TCF7L1: variants seen among roughly 807,000 people sequenced by gnomAD.
The protein encoded by TCF7L1 is transcription factor 7-like 1.
A neutral mutation model predicts 63.7 loss-of-function variants in TCF7L1; 18 were observed. That is an observed-to-expected ratio of 0.28 (90% CI 0.20 to 0.42). The LOEUF is 0.42. Among genes scored for constraint, TCF7L1 ranks in the 10% least tolerant of loss-of-function variants. The pLI is 1.00. For missense variants in TCF7L1, 654 were observed against 779.3 expected (o/e 0.84, Z 1.91); for synonymous variants, 355 against 340.9 (o/e 1.04, Z -0.46).
intron 3 of TCF7L1, among the ~76,000 whole-genome samples, chr2:85,253,592 A>G (rs17763853): frequency 0.29 from 43,924 of 152,174 alleles, 6,777 homozygotes; most frequent in Non-Finnish European, 0.35. Context: ...GAGCAACAAC[A>G]CAAGTAGTGG....
At chr2:85,231,402 G>A (rs1480385997) in intron 3 of TCF7L1, among the ~76,000 whole-genome samples, 2 of 152,210 alleles carry the variant, frequency 1.3e-5, no homozygotes, top group African/African-American at 2.4e-5. Flanking sequence ...ACTATTTGTT[G>A]CCTGGCCTCT....
At chr2:85,207,288 A>G (rs934456489) in intron 3 of TCF7L1, among the ~76,000 whole-genome samples, 9 of 152,054 alleles carry the variant, frequency 5.9e-5, no homozygotes, top group African/African-American at 1.9e-4. Context: ...GTGTGGCCTG[A>G]CCCTTGTTGT....
intron 3 of TCF7L1, among the ~76,000 whole-genome samples, chr2:85,206,836 A>G (rs1393879677): frequency 6.6e-6 from 1 of 152,228 alleles, no homozygotes; most frequent in African/African-American, 2.4e-5. Flanking sequence ...ACGTCTTAGG[A>G]GATATTTTAC....
At chr2:85,177,821 ATATAGT>A in intron 3 of TCF7L1, among the ~76,000 whole-genome samples, 1 of 152,340 alleles carries the variant, frequency 6.6e-6, no homozygotes, top group Non-Finnish European at 1.5e-5. Flanking sequence ...TTCATATTTT[ATATAGT>A]TAAAATCAAA....
intron 3 of TCF7L1, among the ~76,000 whole-genome samples, chr2:85,201,977 T>G (rs1679282066): frequency 6.6e-6 from 1 of 151,928 alleles, no homozygotes; most frequent in Non-Finnish European, 1.5e-5. Flanking sequence ...TTTATTTTAT[T>G]TTTTTGAGAT....
At chr2:85,166,882 C>T (rs55711048) in intron 3 of TCF7L1, 5,742 of 152,296 alleles carry the variant, frequency 0.038, 153 homozygotes, top group Non-Finnish European at 0.053. Context: ...TTTTAGATAT[C>T]TGGCAATGCT....
At chr2:85,216,923 A>C (rs1679724794) in intron 3 of TCF7L1, 1 of 152,230 alleles carries the variant, frequency 6.6e-6, no homozygotes, top group African/African-American at 2.4e-5. Context: ...AGACCGTCCA[A>C]GTGTGGGTTC....
At chr2:85,182,008 C>T (rs1678814549) in intron 3 of TCF7L1, among the ~76,000 whole-genome samples, 1 of 152,156 alleles carries the variant, frequency 6.6e-6, no homozygotes, top group Admixed American at 6.5e-5. Flanking sequence ...TCTAAGGCCA[C>T]ACTGGGAGTC....
At chr2:85,301,951 C>T (rs1196590460) in intron 4 of TCF7L1, among the ~76,000 whole-genome samples, 1 of 152,016 alleles carries the variant, frequency 6.6e-6, no homozygotes, top group African/African-American at 2.4e-5. Context: ...CATGGTGAAA[C>T]CCTATCTGTA....
At chr2:85,211,806 T>A (rs1198657558) in intron 3 of TCF7L1, among the ~76,000 whole-genome samples, 1 of 152,094 alleles carries the variant, frequency 6.6e-6, no homozygotes, top group African/African-American at 2.4e-5. Context: ...ATCCAGACTT[T>A]CGGCCAGGAA....
chr2:85,304,019 T>C, intron 6 of TCF7L1, 22 bp downstream of exon 6: 1 of 1,504,680 alleles, frequency 6.6e-7, no homozygotes, highest in Non-Finnish European at 9.1e-7. Flanking sequence ...ACAGCCTCTC[T>C]TCCCCCTGCT....
intron 3 of TCF7L1, among the ~76,000 whole-genome samples, chr2:85,158,658 C>T (rs562198435): frequency 2.6e-5 from 4 of 152,282 alleles, no homozygotes; most frequent in Admixed American, 6.5e-5. Flanking sequence ...AAAAAACTCC[C>T]GGGATTTTCT....
At chr2:85,242,212 G>A (rs1355980473) in intron 3 of TCF7L1, among the ~76,000 whole-genome samples, 1 of 151,746 alleles carries the variant, frequency 6.6e-6, no homozygotes, top group Non-Finnish European at 1.5e-5. Context: ...TTGATACCAT[G>A]AGGCTGGAAA....
At chr2:85,234,880 A>C (rs1429955443) in intron 3 of TCF7L1, among the ~76,000 whole-genome samples, 1 of 152,160 alleles carries the variant, frequency 6.6e-6, no homozygotes. Flanking sequence ...GCTCTGCAGG[A>C]GAGGGTTGCT....
At chr2:85,258,705 A>G (rs931383911) in intron 3 of TCF7L1, among the ~76,000 whole-genome samples, 3 of 152,180 alleles carry the variant, frequency 2.0e-5, no homozygotes, top group Non-Finnish European at 2.9e-5. Flanking sequence ...GTGTAAGCGT[A>G]TGGGCTTGCA....
intron 3 of TCF7L1, among the ~76,000 whole-genome samples, chr2:85,212,205 A>G (rs1679569589): frequency 6.6e-6 from 1 of 151,780 alleles, no homozygotes; most frequent in Non-Finnish European, 1.5e-5. Flanking sequence ...CAGCCCCCAG[A>G]TGGGCTGTGG....
In TCF7L1 at chr2:85,172,839, T is replaced by C. The variant is rs938877079; in HGVS notation, c.441+38389T>C. ...CCTCCCCTGACCACCCTATTTACAA[T>C]TGCAGCGTCCGCCCCACCTCCAGCC... On this transcript the variant is annotated intron_variant, in intron 3 of 11. Transcript: ENST00000282111. Among the ~76,000 whole-genome samples the C allele has an allele frequency of 4.6e-5, 7 of 152,112 alleles. No individual in the cohort carries two copies. The South Asian group carries it at 1.2e-3, about 27-fold the overall frequency.
At chr2:85,142,483 T>A (rs1181041966) in intron 3 of TCF7L1, among the ~76,000 whole-genome samples, 2 of 143,900 alleles carry the variant, frequency 1.4e-5, no homozygotes, top group African/African-American at 5.1e-5. Flanking sequence ...ATATATATAA[T>A]ATATATATAT....
intron 3 of TCF7L1, among the ~76,000 whole-genome samples, chr2:85,135,775 C>T (rs1677577708): frequency 7.3e-6 from 1 of 137,488 alleles, no homozygotes; most frequent in Non-Finnish European, 1.6e-5. Flanking sequence ...CACAGTTTTG[C>T]CCCGAGAGGG....
Sources: gnomAD v4.1 joint callset for allele counts (sites outside exome capture counted in the v4.1 genomes callset) on GRCh38, gnomAD v4.1.1 for gene constraint, MANE v1.5 for transcripts, NCBI Gene and HGNC (gene_info 2026-07-23, HGNC 2026-07-21) for gene names.